The following KLF11 variants were observed in gnomAD, a reference collection of about 807,000 sequenced individuals.
The protein encoded by KLF11 is KLF transcription factor 11, also known as Krueppel-like factor 11.
A neutral mutation model predicts 29.9 loss-of-function variants in KLF11; 26 were observed. That is an observed-to-expected ratio of 0.87 (90% CI 0.64 to 1.21). The LOEUF is 1.21. KLF11 is among the 50% of genes most tolerant of loss of function. The pLI is 0.00. For missense variants in KLF11, 778 were observed against 665.7 expected, an observed-to-expected ratio of 1.17 and a Z score of -1.86; for synonymous variants, 318 against 257.4, an observed-to-expected ratio of 1.24 and a Z score of -2.25.
intron 3 of KLF11, among the ~76,000 whole-genome samples, chr2:10,051,312 G>A (rs1005739959): frequency 2.0e-5 from 3 of 151,868 alleles, no homozygotes; most frequent in South Asian, 2.1e-4. Flanking sequence ...AGGTTCAAGC[G>A]ATTGTCCTGC....
rs751098131 is a variant in KLF11, at chr2:10,048,303, T to C, written c.966T>C (p.Ala322=). The change falls in exon 3 of 4, where the codon GCT becomes GCC. Residue 322 remains alanine, a synonymous_variant. Transcript: ENST00000305883. The part of the protein sequence containing the change: ...GTVRPILAQA[A]PAPQPVFVGP... ...TGAGACCCATCCTAGCTCAGGCTGCTCCAGCGCCTCAACCTGTGTTCGTGG... is the reference window on the plus strand; with the variant it reads ...TGAGACCCATCCTAGCTCAGGCTGCCCCAGCGCCTCAACCTGTGTTCGTGG... 1 of 1,599,994 alleles carries C rather than the reference T, an allele frequency of 6.3e-7. No individual in the cohort carries two copies. Among genetic ancestry groups the C allele is most frequent in the Non-Finnish European group, 8.5e-7 (1 of 1,171,486 alleles).
In KLF11 at chr2:10,043,682, C is replaced by T. The variant is rs1233343745; in HGVS notation, c.-35C>T. The T allele has an allele frequency of 9.3e-6, 12 of 1,295,830 alleles. No homozygotes were observed. Among genetic ancestry groups the T allele is most frequent in the Non-Finnish European group, 1.2e-5 (12 of 1,002,570 alleles). The allele number at this position is 1,295,830 out of a possible 1,614,324, so 80.3% of individuals were successfully genotyped here. On this transcript the variant is annotated 5_prime_UTR_variant, in exon 1 of 4. Transcript: ENST00000305883. ...CGCTGCTGCGCCCGAGCTCACGCCC[C>T]GCGGCCGCTTTGTTGCTCCCGGCCG...
In KLF11 at chr2:10,048,138, C is replaced by T; in HGVS notation, c.801C>T (p.Asp267=). 17 of 1,614,202 alleles carry T rather than the reference C, an allele frequency of 1.1e-5. No individual in the cohort carries two copies. Among genetic ancestry groups the T allele is most frequent in the Non-Finnish European group, 1.4e-5 (17 of 1,180,022 alleles). ...QTCSPKNYEN[D]LPRKTTPLIS... ...GCTCACCAAAGAATTATGAAAATGACCTGCCCAGGAAAACCACCCCTCTGA... is the reference window on the plus strand; with the variant it reads ...GCTCACCAAAGAATTATGAAAATGATCTGCCCAGGAAAACCACCCCTCTGA... Residue 267 remains aspartate (D), a synonymous_variant, in exon 3 of 4, where the codon GAC becomes GAT. Coordinates refer to ENST00000305883, the MANE Select transcript of KLF11 (RefSeq NM_003597.5).
Position 10,052,604 on chromosome 2 carries a change from C to A in KLF11, c.*97C>A. On this transcript the variant is annotated 3_prime_UTR_variant, in exon 4 of 4. Transcript: ENST00000305883. Reference sequence around the variant, plus strand: ...CTCCCACTGCCTCACCCAAAAAAAACGGTCTTGGCGGCCTAGGGGAAGATC... The same window carrying A: ...CTCCCACTGCCTCACCCAAAAAAAAAGGTCTTGGCGGCCTAGGGGAAGATC... The A allele has an allele frequency of 7.6e-7, 1 of 1,318,444 alleles. No homozygotes were observed. The highest frequency in any genetic ancestry group is 1.1e-6 in the Non-Finnish European group (1 of 938,886). 81.7% of individuals were successfully genotyped at this position (1,318,444 alleles called of 1,614,324 possible).
At chr2:10,048,917 T>C (rs1192176631) in intron 3 of KLF11, among the ~76,000 whole-genome samples, 3 of 151,540 alleles carry the variant, frequency 2.0e-5, no homozygotes, top group Admixed American at 6.6e-5. Context: ...CCTTTTTTTT[T>C]TTTTTTTTTT....
intron 1 of KLF11, among the ~76,000 whole-genome samples, chr2:10,045,498 G>GAA (rs150104077): frequency 6.7e-6 from 1 of 149,280 alleles, no homozygotes; most frequent in Non-Finnish European, 1.5e-5. Flanking sequence ...ATCTCAAAAA[G>GAA]AAAAAAAAAA....
In KLF11 at chr2:10,048,378, C is replaced by G; in HGVS notation, c.1041C>G (p.Ala347=). ...GAVMLVLPQG[A]LPPPAPCAAN... The stretch of plus-strand genomic sequence containing the variant: ...TGATGTTGGTCCTGCCCCAGGGAGC[C>G]CTCCCTCCGCCTGCCCCCTGTGCAG... Residue 347 remains alanine, a synonymous_variant, in exon 3 of 4, where the codon GCC becomes GCG. Coordinates refer to ENST00000305883, the MANE Select transcript of KLF11 (RefSeq NM_003597.5). 2 of 1,612,648 alleles carry G rather than the reference C, an allele frequency of 1.2e-6. No individual in the cohort carries two copies. The highest frequency in any genetic ancestry group is 1.7e-6 in the Non-Finnish European group (2 of 1,178,834).
chr2:10,048,722 T>G, intron 3 of KLF11, 127 bp downstream of exon 3: 1 of 763,848 alleles, frequency 1.3e-6, no homozygotes, highest in Non-Finnish European at 2.3e-6. Context: ...TGGCTTTTTC[T>G]TTGGTTCTGA....
rs781032098 is a variant in KLF11, at chr2:10,047,921, G to C, written c.584G>C (p.Cys195Ser). 176 of 1,613,632 alleles carry C rather than the reference G, an allele frequency of 1.1e-4. No individual in the cohort carries two copies. The highest frequency in any genetic ancestry group is 1.4e-4 in the Non-Finnish European group (170 of 1,180,044). Reference protein sequence around the residue: ...ACFPTIQTPDCRLSDSREGEE... With the variant: ...ACFPTIQTPDSRLSDSREGEE... ...TTTCCCACCATCCAGACTCCAGATT[G>C]CCGGCTTTCTGACAGCAGAGAAGGA... The change falls in exon 3 of 4, where the codon TGC (cysteine) becomes TCC (serine). Residue 195 changes from cysteine (C) to serine (S), a missense_variant. Cys to Ser is a moderately radical substitution (Grantham distance 112, BLOSUM62 -1). Transcript: ENST00000305883.
At chr2:10,044,365 C>A (rs893458825) in intron 1 of KLF11, 4 of 985,512 alleles carry the variant, frequency 4.1e-6, no homozygotes, top group Non-Finnish European at 3.6e-6. Context: ...CTGGGGGCTT[C>A]GGGGAGGTAG....
intron 3 of KLF11, among the ~76,000 whole-genome samples, chr2:10,050,894 T>TTTTTA: frequency 1.1e-5 from 1 of 93,234 alleles, no homozygotes; most frequent in East Asian, 3.3e-4. Flanking sequence ...GATGCTACCT[T>TTTTTA]TTTTTTTTTT....
chr2:10,052,494 C>G lies in KLF11; in HGVS notation c.1526C>G (p.Pro509Arg). Reference protein sequence around the residue: ...ESPGSPLVSMPASA With the variant: ...ESPGSPLVSMRASA ...CCGGGGAGCCCACTGGTGAGCATGC[C>G]AGCCTCTGCCTGAAAGGTCCATTAG... is the stretch of plus-strand genomic sequence containing the variant. Residue 509 changes from proline to arginine, a missense_variant, in exon 4 of 4, where the codon CCA (proline) becomes CGA (arginine). Physicochemically the swap from Pro to Arg is moderately radical, Grantham distance 103. Transcript: ENST00000305883. The G allele has an allele frequency of 1.9e-6, 3 of 1,613,932 alleles. No homozygotes were observed. Among genetic ancestry groups the G allele is most frequent in the Non-Finnish European group, 2.5e-6 (3 of 1,179,996 alleles).
chr2:10,050,919 T>TTTTTTTTTTG (rs1661384923), intron 3 of KLF11, among the ~76,000 whole-genome samples: 1 of 135,014 alleles, frequency 7.4e-6, no homozygotes. Flanking sequence ...TTTTTTTTTT[T>TTTTTTTTTTG]GAGATGGAAT....
chr2:10,052,089 A>G, intron 3 of KLF11, 138 bp from the exon 4 acceptor site: 1 of 914,310 alleles, frequency 1.1e-6, no homozygotes, highest in Non-Finnish European at 1.8e-6. Flanking sequence ...CTTGACCCAA[A>G]TCATCCAATT....
chr2:10,051,749 CTT>C (rs1661412929), intron 3 of KLF11, among the ~76,000 whole-genome samples: 1 of 140,762 alleles, frequency 7.1e-6, no homozygotes, highest in Admixed American at 7.2e-5. Context: ...GGTCTTCTGA[CTT>C]TGTGATCCGC....
chr2:10,046,498 G>A (rs927248470), intron 2 of KLF11, 79 bp downstream of exon 2: 3 of 1,505,132 alleles, frequency 2.0e-6, no homozygotes, highest in South Asian at 1.1e-5. Context: ...GAACTTGTGA[G>A]AAGATTCCCT....
At chr2:10,052,202 T>C (rs1391600944) in intron 3 of KLF11, 25 bp from the exon 4 acceptor site, 1 of 1,612,550 alleles carries the variant, frequency 6.2e-7, no homozygotes, top group Non-Finnish European at 8.5e-7. Context: ...CCTTTCTCTT[T>C]AATATGTATT....
chr2:10,048,470 C>T lies in KLF11; in HGVS notation c.1133C>T (p.Ser378Phe), dbSNP rs35476458. Residue 378 changes from serine (S) to phenylalanine (F), a missense_variant, in exon 3 of 4, where the codon TCT becomes TTT. Ser to Phe is a radical substitution (Grantham distance 155). Coordinates refer to ENST00000305883, the MANE Select transcript of KLF11 (RefSeq NM_003597.5). Reference sequence around the variant, plus strand: ...GCCCCTGCTCCAGTGTTCATCACCTCTAGCCAAAACTGTGTCCCTCAGGTA... The same window carrying T: ...GCCCCTGCTCCAGTGTTCATCACCTTTAGCCAAAACTGTGTCCCTCAGGTA... Reference protein sequence around the residue: ...PLAPAPVFITSSQNCVPQVDF... With the variant: ...PLAPAPVFITFSQNCVPQVDF... 6.5e-5 allele frequency: 105 copies of T among 1,613,966 alleles called. No individual in the cohort carries two copies. Among genetic ancestry groups the T allele is most frequent in the Non-Finnish European group, 8.3e-5 (98 of 1,180,024 alleles).
In KLF11 at chr2:10,054,407, C is replaced by T. The variant is rs1402367835; in HGVS notation, c.*1900C>T. ...CAACATTCTCCAAGCAGTGATATTT[C>T]TAAAGAGGAGATACATGTTGAAAAC... On this transcript the variant is annotated 3_prime_UTR_variant, in exon 4 of 4. Transcript: ENST00000305883. 1 of 152,424 alleles carries T rather than the reference C, an allele frequency of 6.6e-6. No individual in the cohort carries two copies. Among genetic ancestry groups the T allele is most frequent in the Non-Finnish European group, 1.5e-5 (1 of 68,046 alleles). The allele number at this position is 152,424 out of a possible 1,614,324, so 9.4% of individuals were successfully genotyped here.
Sources: gnomAD v4.1 joint callset for allele counts (sites outside exome capture counted in the v4.1 genomes callset) on GRCh38, gnomAD v4.1.1 for gene constraint, MANE v1.5 for transcripts, NCBI Gene and HGNC (gene_info 2026-07-23, HGNC 2026-07-21) for gene names.